Variants in LYAR observed in about 807,000 individuals in gnomAD.
LYAR encodes the protein Ly1 antibody reactive, also known as cell growth-regulating nucleolar protein.
In LYAR, 37 loss-of-function variants were observed where a neutral mutation model predicts 45.2. The ratio of observed to expected loss-of-function variants is 0.82; its 90% CI spans 0.63 to 1.08. The LOEUF (loss-of-function observed/expected upper bound fraction) is 1.08. LYAR is among the 50% of genes least tolerant of loss of function. LYAR has a pLI of 0.00. For missense variants in LYAR, 493 were observed against 451.0 expected, an observed-to-expected ratio of 1.09 and a Z score of -0.84; for synonymous variants, 176 against 155.1, an observed-to-expected ratio of 1.14 and a Z score of -1.00.
chr4:4,268,097 G>A (rs1474130386), intron 9 of LYAR, 74 bp from the exon 10 acceptor site: 31 of 1,304,926 alleles, frequency 2.4e-5, no homozygotes, highest in Non-Finnish European at 2.8e-5. Context: ...CTTTAACCCA[G>A]AAATAGAACA....
intron 1 of LYAR, among the ~76,000 whole-genome samples, chr4:4,287,412 G>T (rs1719660103): frequency 6.6e-6 from 1 of 152,132 alleles, no homozygotes; most frequent in Non-Finnish European, 1.5e-5. Flanking sequence ...TGTGCTCCTG[G>T]CTGCGTCTTC....
chr4:4,269,529 G>A (rs914629527), intron 8 of LYAR, among the ~76,000 whole-genome samples: 1 of 152,196 alleles, frequency 6.6e-6, no homozygotes, highest in South Asian at 2.1e-4. Context: ...CTGCTGTGAT[G>A]TCAGTGGAAC....
At chr4:4,269,796 A>T (rs1235773148) in intron 8 of LYAR, among the ~76,000 whole-genome samples, 1 of 152,236 alleles carries the variant, frequency 6.6e-6, no homozygotes, top group Non-Finnish European at 1.5e-5. Context: ...CATTTAACAT[A>T]GACCTGAAAT....
chr4:4,283,506 T>C, intron 3 of LYAR, 115 bp downstream of exon 3: 1 of 1,111,688 alleles, frequency 9.0e-7, no homozygotes, highest in Non-Finnish European at 1.3e-6. Flanking sequence ...ATACCAGTTT[T>C]TAGTCTTAAT....
intron 4 of LYAR, among the ~76,000 whole-genome samples, chr4:4,281,375 C>G (rs1719386918): frequency 6.6e-6 from 1 of 151,930 alleles, no homozygotes; most frequent in South Asian, 2.1e-4. Context: ...CACTCTGTCA[C>G]CCAGTACAAC....
intron 6 of LYAR, among the ~76,000 whole-genome samples, chr4:4,275,841 A>T (rs950076901): frequency 5.3e-5 from 8 of 152,098 alleles, no homozygotes; most frequent in Non-Finnish European, 1.5e-5. Context: ...GATTACAGGC[A>T]TGCACCACCA....
intron 8 of LYAR, among the ~76,000 whole-genome samples, chr4:4,271,264 T>C (rs1718919915): frequency 6.6e-6 from 1 of 152,244 alleles, no homozygotes; most frequent in Non-Finnish European, 1.5e-5. Flanking sequence ...GAAAACATGC[T>C]ATGCTTGTCT....
Position 4,268,605 on chromosome 4 carries a change from G to C in LYAR, c.930C>G (p.Asn310Lys), listed in dbSNP as rs1378840663. 1.3e-6 allele frequency: 2 copies of C among 1,593,628 alleles called. No individual in the cohort carries two copies. Residue 310 changes from asparagine to lysine, a missense_variant, in exon 9 of 10, where the codon AAC (asparagine) becomes AAG (lysine). By Grantham distance (94) the Asn-to-Lys change is moderately conservative. Transcript: ENST00000343470. ...DDEAPAKGKF[N>K]WKGTIKAILK... ...GAATTGCTTTAATAGTTCCCTTCCAGTTGAATTTACCTACAATATAAATAA... is the reference window on the plus strand; with the variant it reads ...GAATTGCTTTAATAGTTCCCTTCCACTTGAATTTACCTACAATATAAATAA...
chr4:4,272,325 A>G (rs1003904565), intron 8 of LYAR, among the ~76,000 whole-genome samples: 1 of 152,202 alleles, frequency 6.6e-6, no homozygotes, highest in Non-Finnish European at 1.5e-5. Flanking sequence ...ATGTAACAAC[A>G]ACAACAAAAA....
intron 8 of LYAR, among the ~76,000 whole-genome samples, chr4:4,269,227 G>C (rs982216732): frequency 2.0e-5 from 3 of 152,194 alleles, no homozygotes; most frequent in Admixed American, 1.3e-4. Context: ...GAAGAACCCA[G>C]CAACCTGAAC....
At chr4:4,271,780 C>G (rs1412701622) in intron 8 of LYAR, among the ~76,000 whole-genome samples, 3 of 152,210 alleles carry the variant, frequency 2.0e-5, no homozygotes, top group Admixed American at 6.5e-5. Context: ...CACACAGAAA[C>G]CTGCACATCA....
intron 9 of LYAR, 148 bp from the exon 10 acceptor site, chr4:4,268,171 G>A: frequency 3.0e-6 from 2 of 663,892 alleles, no homozygotes; most frequent in South Asian, 6.4e-5. Flanking sequence ...GGAAAACCCA[G>A]GCGGCAGCCA....
Position 4,274,248 on chromosome 4 carries a change from A to C in LYAR, c.832+119T>G, listed in dbSNP as rs545757905. 2.1e-4 allele frequency: 248 copies of C among 1,194,670 alleles called. 1 individual carries two copies. Among genetic ancestry groups the C allele is most frequent in the Admixed American group, 7.4e-4 (31 of 41,876 alleles). The allele number at this position is 1,194,670 out of a possible 1,614,324, so 74.0% of individuals were successfully genotyped here. ...CAAGACTCCGTCTCAAAAAAAACAA[A>C]AAAAAAAAAAACCACACACACACGC... On this transcript the variant is annotated intron_variant, in intron 7 of 9. Transcript: ENST00000343470.
intron 6 of LYAR, among the ~76,000 whole-genome samples, chr4:4,275,712 T>C (rs555206456): frequency 1.9e-3 from 120 of 64,576 alleles, no homozygotes; most frequent in African/African-American, 6.4e-3. Flanking sequence ...TATGTATTTT[T>C]TTTGGGACAG....
chr4:4,269,655 C>T (rs1252769900), intron 8 of LYAR, among the ~76,000 whole-genome samples: 1 of 152,192 alleles, frequency 6.6e-6, no homozygotes, highest in African/African-American at 2.4e-5. Context: ...GGCCGTGCCC[C>T]TCCACAACCA....
chr4:4,274,841 T>C, intron 6 of LYAR, 72 bp from the exon 7 acceptor site: 1 of 1,406,732 alleles, frequency 7.1e-7, no homozygotes, highest in South Asian at 1.4e-5. Context: ...CGTTATTGCC[T>C]GGGCCTACTA....
intron 6 of LYAR, among the ~76,000 whole-genome samples, chr4:4,277,472 G>A (rs1218654740): frequency 6.6e-6 from 1 of 152,156 alleles, no homozygotes. Flanking sequence ...GGGAGAGAGG[G>A]AGGGAGGCAC....
At position 4,279,717 on chromosome 4, in the gene LYAR, G is replaced by C. The variant is rs767294372; in HGVS notation, c.270C>G (p.Val90=). The C allele has an allele frequency of 1.2e-5, 19 of 1,613,170 alleles. No homozygotes were observed. Among genetic ancestry groups the C allele is most frequent in the East Asian group, 1.1e-4 (5 of 44,876 alleles). Residue 90 remains valine, a synonymous_variant, in exon 5 of 10, where the codon GTC becomes GTG. Coordinates refer to ENST00000343470, the MANE Select transcript of LYAR (RefSeq NM_017816.3). ...KISELIKRPN[V]SPKVRELLEQ... ...CTAAAAGTTCTCTCACTTTGGGGCT[G>C]ACATTGGGTCTCTTTATTAATTCAC...
intron 8 of LYAR, among the ~76,000 whole-genome samples, chr4:4,269,367 A>T (rs1415603038): frequency 6.6e-6 from 1 of 152,232 alleles, no homozygotes; most frequent in African/African-American, 2.4e-5. Context: ...ATCACAGAAA[A>T]AACGGTGGCT....
Sources: gnomAD v4.1 joint callset for allele counts (sites outside exome capture counted in the v4.1 genomes callset) on GRCh38, gnomAD v4.1.1 for gene constraint, MANE v1.5 for transcripts, NCBI Gene and HGNC (gene_info 2026-07-23, HGNC 2026-07-21) for gene names.